Variants in DLGAP2 observed in about 807,000 individuals in gnomAD.
DLGAP2 encodes the protein DLG associated protein 2.
In DLGAP2, 26 loss-of-function variants were observed where a neutral mutation model predicts 100.3. That is an observed-to-expected ratio of 0.26 (90% confidence interval 0.19 to 0.36). The LOEUF is 0.36. Ranked by LOEUF, DLGAP2 falls within the 10% of genes least tolerant of loss-of-function variation. The pLI is 1.00. For missense variants in DLGAP2, 1,858 were observed against 1,453.2 expected (o/e 1.28, Z -4.53); for synonymous variants, 886 against 630.1 (o/e 1.41, Z -6.08).
At position 1,355,018 on chromosome 8, in the gene DLGAP2, C is replaced by T. The variant is rs183926031; in HGVS notation, c.106+96135C>T. The stretch of plus-strand genomic sequence containing the variant: ...TGCTGCGGATGAGGGTGGAAAGTCA[C>T]GGATGATGCTGTGGATGAGGGTGGA... On this transcript the variant is annotated intron_variant, in intron 3 of 14. Transcript: ENST00000637795. Among the ~76,000 whole-genome samples, 829 of 147,748 alleles carry T rather than the reference C, an allele frequency of 5.6e-3. 11 individuals are homozygous for T. The highest frequency in any genetic ancestry group is 0.02 in the African/African-American group (784 of 38,960).
chr8:1,605,624 T>C (rs1405573514), intron 6 of DLGAP2, among the ~76,000 whole-genome samples: 3 of 152,150 alleles, frequency 2.0e-5, no homozygotes, highest in African/African-American at 7.2e-5. Flanking sequence ...CTTTCCATGG[T>C]TGTCCCCTCC....
intron 3 of DLGAP2, among the ~76,000 whole-genome samples, chr8:1,470,943 C>A (rs1410380127): frequency 1.2e-3 from 4 of 3,220 alleles, no homozygotes; most frequent in Non-Finnish European, 4.3e-3. Flanking sequence ...CCAGCCTTTC[C>A]CGACCCCTCC....
intron 3 of DLGAP2, among the ~76,000 whole-genome samples, chr8:1,284,870 G>A (rs1318956308): frequency 1.3e-5 from 2 of 152,158 alleles, no homozygotes; most frequent in African/African-American, 4.8e-5. Flanking sequence ...GGGATTACAG[G>A]CATGAGCCAG....
intron 3 of DLGAP2, chr8:1,379,773 C>G (rs1796048536): frequency 6.6e-6 from 1 of 152,462 alleles, no homozygotes; most frequent in African/African-American, 2.4e-5. Flanking sequence ...CAGGGGCTGA[C>G]AGAGAGTGGC....
chr8:1,237,232 G>A (rs1415142305), intron 2 of DLGAP2, among the ~76,000 whole-genome samples: 1 of 141,216 alleles, frequency 7.1e-6, no homozygotes, highest in African/African-American at 2.9e-5. Context: ...CTCACATGGC[G>A]CCGTGTCTAG....
chr8:1,115,336 G>T (rs1487446096), intron 2 of DLGAP2, among the ~76,000 whole-genome samples: 1 of 152,156 alleles, frequency 6.6e-6, no homozygotes, highest in African/African-American at 2.4e-5. Context: ...CTCTTTGAAG[G>T]TCTCTAAGCC....
At chr8:1,037,664 C>T (rs903710101) in intron 2 of DLGAP2, among the ~76,000 whole-genome samples, 1 of 152,302 alleles carries the variant, frequency 6.6e-6, no homozygotes, top group South Asian at 2.1e-4. Flanking sequence ...GTGGCTCTGC[C>T]CTTGCTGGGT....
intron 3 of DLGAP2, among the ~76,000 whole-genome samples, chr8:1,484,714 G>T (rs1799194287): frequency 6.6e-6 from 1 of 152,216 alleles, no homozygotes; most frequent in African/African-American, 2.4e-5. Flanking sequence ...AACTCTTATG[G>T]GAGATCCATG....
chr8:1,655,273 A>T (rs1798258219), intron 8 of DLGAP2, among the ~76,000 whole-genome samples: 1 of 152,156 alleles, frequency 6.6e-6, no homozygotes. Flanking sequence ...AATGGCTTTG[A>T]TCCTCTATGT....
At chr8:1,506,258 T>C (rs1049543174) in intron 4 of DLGAP2, among the ~76,000 whole-genome samples, 13 of 152,244 alleles carry the variant, frequency 8.5e-5, no homozygotes, top group Non-Finnish European at 1.3e-4. Context: ...AACCCAGCTC[T>C]ACCTATACTT....
intron 1 of DLGAP2, among the ~76,000 whole-genome samples, chr8:767,309 G>C (rs545449024): frequency 5.3e-4 from 81 of 151,766 alleles, no homozygotes; most frequent in African/African-American, 2.0e-3. Flanking sequence ...GATGCCCAAA[G>C]GCACAGGTAC....
At chr8:1,559,345 A>C (rs1351899867) in intron 5 of DLGAP2, among the ~76,000 whole-genome samples, 1 of 152,198 alleles carries the variant, frequency 6.6e-6, no homozygotes, top group African/African-American at 2.4e-5. Flanking sequence ...TGAGGGCTGC[A>C]GGGTTCGAAT....
At chr8:1,321,330 CTG>C (rs963618860) in intron 3 of DLGAP2, among the ~76,000 whole-genome samples, 4 of 151,502 alleles carry the variant, frequency 2.6e-5, no homozygotes, top group East Asian at 3.9e-4. Flanking sequence ...GCGTGTGTGT[CTG>C]TGTGTCTCTG....
intron 2 of DLGAP2, among the ~76,000 whole-genome samples, chr8:1,230,194 A>G (rs565913643): frequency 3.4e-4 from 52 of 152,348 alleles, no homozygotes; most frequent in African/African-American, 1.3e-3. Flanking sequence ...ATGTACAAAA[A>G]TCAGTAGCAT....
chr8:966,554 T>G (rs1799876299), intron 2 of DLGAP2, among the ~76,000 whole-genome samples: 1 of 152,226 alleles, frequency 6.6e-6, no homozygotes, highest in Non-Finnish European at 1.5e-5. Flanking sequence ...TTCAAACTTT[T>G]TAAAAAATGA....
chr8:951,304 G>C (rs900740697), intron 2 of DLGAP2, among the ~76,000 whole-genome samples: 1 of 152,172 alleles, frequency 6.6e-6, no homozygotes, highest in African/African-American at 2.4e-5. Context: ...GGAGTGCAGT[G>C]GTGTGATCTC....
At chr8:959,928 A>G (rs1011450370) in intron 2 of DLGAP2, among the ~76,000 whole-genome samples, 1 of 152,226 alleles carries the variant, frequency 6.6e-6, no homozygotes, top group African/African-American at 2.4e-5. Flanking sequence ...GGATTTACAT[A>G]GTGAGGAAAG....
rs773388225 is a variant in DLGAP2 at position 1,548,645 on chromosome 8, G to A, written c.192G>A (p.Ser64=). 33 of 1,555,882 alleles carry A rather than the reference G, an allele frequency of 2.1e-5. No homozygotes were observed. Among genetic ancestry groups the A allele is most frequent in the Non-Finnish European group, 2.9e-5 (33 of 1,152,238 alleles). ...EEDLDPQYSW[S]PTQHFNEERY... The stretch of plus-strand genomic sequence containing the variant: ...CCACAGACCCGCAGTACTCATGGTC[G>A]CCCACGCAGCACTTCAATGAGGAGC... Residue 64 remains serine, a synonymous_variant, in exon 5 of 15, where the codon TCG becomes TCA. Transcript: ENST00000637795.
intron 1 of DLGAP2, among the ~76,000 whole-genome samples, chr8:804,554 A>C (rs1796230461): frequency 1.3e-5 from 2 of 152,202 alleles, no homozygotes; most frequent in Non-Finnish European, 2.9e-5. Flanking sequence ...TGTGTTCTCT[A>C]ATTCACAATT....
Sources: gnomAD v4.1 joint callset for allele counts (sites outside exome capture counted in the v4.1 genomes callset) on GRCh38, gnomAD v4.1.1 for gene constraint, MANE v1.5 for transcripts, NCBI Gene and HGNC (gene_info 2026-07-23, HGNC 2026-07-21) for gene names.